AGPS: variants seen among roughly 807,000 people sequenced by gnomAD.
AGPS encodes the protein alkylglycerone phosphate synthase.
In AGPS, 26 loss-of-function variants were observed where a neutral mutation model predicts 90.7. The observed-to-expected ratio is 0.29, with a 90% confidence interval of 0.21 to 0.40. The LOEUF (loss-of-function observed/expected upper bound fraction) is 0.40, where lower values mean the gene tolerates loss of function less well. Among genes scored for constraint, AGPS ranks in the 10% least tolerant of loss-of-function variants. The pLI is 1.00. For missense variants in AGPS, 540 were observed against 816.1 expected, an observed-to-expected ratio of 0.66 and a Z score of 4.12; for synonymous variants, 294 against 285.3, an observed-to-expected ratio of 1.03 and a Z score of -0.31.
chr2:177,465,814 C>A (rs1438081426), intron 9 of AGPS, among the ~76,000 whole-genome samples: 1 of 152,218 alleles, frequency 6.6e-6, no homozygotes, highest in Non-Finnish European at 1.5e-5. Flanking sequence ...AGGGCCACAG[C>A]TCTTCTCTCC....
intron 1 of AGPS, among the ~76,000 whole-genome samples, chr2:177,406,096 A>G (rs1182848578): frequency 6.6e-6 from 1 of 152,262 alleles, no homozygotes; most frequent in African/African-American, 2.4e-5. Context: ...TCATTGACAA[A>G]TCAGATGGAC....
chr2:177,474,009 T>G (rs1574398190), intron 10 of AGPS, among the ~76,000 whole-genome samples: 1 of 152,238 alleles, frequency 6.6e-6, no homozygotes, highest in Non-Finnish European at 1.5e-5. Flanking sequence ...CATGATGCCT[T>G]CTTACTAGTA....
intron 1 of AGPS, among the ~76,000 whole-genome samples, chr2:177,400,074 T>A (rs1685291755): frequency 6.6e-6 from 1 of 152,238 alleles, no homozygotes; most frequent in South Asian, 2.1e-4. Context: ...ATCAAACTAG[T>A]GTTTTTATAG....
intron 8 of AGPS, among the ~76,000 whole-genome samples, chr2:177,461,043 CT>C (rs1466918381): frequency 6.6e-6 from 1 of 152,192 alleles, no homozygotes; most frequent in Non-Finnish European, 1.5e-5. Context: ...AGCTGTGTGG[CT>C]TACTTGAAAA....
At chr2:177,442,363 A>G (rs1425028445) in intron 6 of AGPS, 44 bp from the exon 7 acceptor site, 1 of 1,438,802 alleles carries the variant, frequency 7.0e-7, no homozygotes, top group Non-Finnish European at 9.8e-7. Context: ...ATAGCTAAAA[A>G]CAGAATATTT....
intron 17 of AGPS, among the ~76,000 whole-genome samples, chr2:177,515,228 T>A (rs1405996595): frequency 6.6e-6 from 1 of 152,000 alleles, no homozygotes; most frequent in Non-Finnish European, 1.5e-5. Context: ...AGACAAAAAT[T>A]TTTGTGTTTA....
intron 11 of AGPS, among the ~76,000 whole-genome samples, chr2:177,490,759 T>C (rs1688230200): frequency 6.6e-6 from 1 of 151,990 alleles, no homozygotes; most frequent in Admixed American, 6.6e-5. Context: ...GTCTATCCAC[T>C]TCATATATTC....
At chr2:177,450,593 A>C (rs1686908539) in intron 8 of AGPS, among the ~76,000 whole-genome samples, 1 of 152,174 alleles carries the variant, frequency 6.6e-6, no homozygotes. Context: ...ATTTAAAAAA[A>C]TCTGTTGTCT....
At chr2:177,418,727 A>T (rs987812643) in intron 1 of AGPS, among the ~76,000 whole-genome samples, 16 of 151,958 alleles carry the variant, frequency 1.1e-4, no homozygotes, top group African/African-American at 3.4e-4. Flanking sequence ...GAAAAAAAGC[A>T]AAGTGGAAAA....
chr2:177,513,276 G>GT (rs1425383323), intron 16 of AGPS, among the ~76,000 whole-genome samples: 2 of 151,522 alleles, frequency 1.3e-5, no homozygotes, highest in African/African-American at 4.9e-5. Context: ...TTAATATTTT[G>GT]TAGAGATAGG....
chr2:177,507,116 A>C (rs1260744465), intron 15 of AGPS, among the ~76,000 whole-genome samples: 1 of 152,052 alleles, frequency 6.6e-6, no homozygotes, highest in Non-Finnish European at 1.5e-5. Flanking sequence ...ATATATTTTT[A>C]CTGAATAAAT....
intron 11 of AGPS, among the ~76,000 whole-genome samples, chr2:177,487,403 G>C (rs1252595255): frequency 1.3e-5 from 2 of 152,062 alleles, no homozygotes; most frequent in African/African-American, 4.8e-5. Flanking sequence ...TTTTGATGGA[G>C]GGTAATTTTT....
At chr2:177,538,026 C>T (rs754239099) in intron 19 of AGPS, 48 bp from the exon 20 acceptor site, 1 of 1,608,746 alleles carries the variant, frequency 6.2e-7, no homozygotes, top group Non-Finnish European at 8.5e-7. Context: ...TTGATTGGTT[C>T]CCAGTATCAT....
chr2:177,436,352 A>G (rs1467434731), intron 3 of AGPS, among the ~76,000 whole-genome samples: 2 of 151,878 alleles, frequency 1.3e-5, no homozygotes, highest in Non-Finnish European at 2.9e-5. Context: ...AGGTTTCACC[A>G]TGTTAGCCAG....
intron 6 of AGPS, chr2:177,441,295 A>G (rs1686593351): frequency 4.9e-6 from 2 of 410,746 alleles, no homozygotes; most frequent in African/African-American, 4.1e-5. Flanking sequence ...GAATAACAAA[A>G]TGTTTCTGCT....
At chr2:177,473,491 G>A (rs1380969884) in intron 10 of AGPS, among the ~76,000 whole-genome samples, 3 of 151,884 alleles carry the variant, frequency 2.0e-5, no homozygotes, top group African/African-American at 4.8e-5. Context: ...AATGGAAAGT[G>A]AATGACATAC....
intron 1 of AGPS, among the ~76,000 whole-genome samples, chr2:177,412,255 C>T (rs374230955): frequency 1.3e-5 from 2 of 152,052 alleles, no homozygotes; most frequent in African/African-American, 4.8e-5. Context: ...GGTCAGGACC[C>T]AGGAGGTATG....
At chr2:177,506,205 T>C (rs990282404) in intron 15 of AGPS, among the ~76,000 whole-genome samples, 3 of 127,454 alleles carry the variant, frequency 2.4e-5, no homozygotes, top group African/African-American at 8.7e-5. Flanking sequence ...TGCTTTCTGC[T>C]GTTGCTGGGG....
intron 8 of AGPS, among the ~76,000 whole-genome samples, chr2:177,461,663 T>C (rs1368567850): frequency 6.6e-6 from 1 of 152,160 alleles, no homozygotes; most frequent in Non-Finnish European, 1.5e-5. Context: ...ATAGAACTTC[T>C]TTTGGCCTAC....
Sources: gnomAD v4.1 joint callset for allele counts (sites outside exome capture counted in the v4.1 genomes callset) on GRCh38, gnomAD v4.1.1 for gene constraint, MANE v1.5 for transcripts, NCBI Gene and HGNC (gene_info 2026-07-23, HGNC 2026-07-21) for gene names.